Variants in CSMD3 observed in about 807,000 individuals in gnomAD.
CSMD3 encodes the protein CUB and sushi domain-containing protein 3.
A neutral mutation model predicts 435.2 loss-of-function variants in CSMD3; 177 were observed. That is an observed-to-expected ratio of 0.41 (90% CI 0.36 to 0.46). The LOEUF (loss-of-function observed/expected upper bound fraction) is 0.46. Among genes scored for constraint, CSMD3 ranks in the 20% least tolerant of loss-of-function variants. The pLI is 0.34. For missense variants in CSMD3, 4,265 were observed against 4,504.6 expected, an observed-to-expected ratio of 0.95 and a Z score of 1.52; for synonymous variants, 1,656 against 1,520.5, an observed-to-expected ratio of 1.09 and a Z score of -2.07.
At position 112,305,337 on chromosome 8, in the gene CSMD3, T is replaced by C. The variant is rs182277633; in HGVS notation, c.8072-422A>G. Among the ~76,000 whole-genome samples the C allele has an allele frequency of 3.3e-3, 497 of 152,246 alleles. 3 individuals carry two copies. Among genetic ancestry groups the C allele is most frequent in the African/African-American group, 0.011 (469 of 41,570 alleles). ...TAGAAGCCTTATTAGAAACCTATGC[T>C]GAGAGTGCGAACAACTTAACAATCT... On this transcript the variant is annotated intron_variant, in intron 51 of 70. Transcript: ENST00000297405.
chr8:112,474,230 T>C (rs1031430430), intron 31 of CSMD3, among the ~76,000 whole-genome samples: 2 of 152,084 alleles, frequency 1.3e-5, no homozygotes, highest in African/African-American at 4.8e-5. Context: ...CAAAGATATA[T>C]GTGGCCAGCA....
intron 3 of CSMD3, among the ~76,000 whole-genome samples, chr8:113,235,491 C>T (rs1211654817): frequency 2.0e-5 from 3 of 151,834 alleles, no homozygotes; most frequent in African/African-American, 7.3e-5. Context: ...CCACTTTGAC[C>T]TGTATGGGCC....
Position 112,888,030 on chromosome 8 carries a change from A to G in CSMD3, c.1634-28764T>C, listed in dbSNP as rs1470489536. On this transcript the variant is annotated intron_variant, in intron 10 of 70. Coordinates refer to ENST00000297405, the MANE Select transcript of CSMD3 (RefSeq NM_198123.2). ...ACATATATAACCATAGAACAGAAACAACAACAAAAATAACAAATATAAATC... is the reference window on the plus strand; with the variant it reads ...ACATATATAACCATAGAACAGAAACGACAACAAAAATAACAAATATAAATC... Among the ~76,000 whole-genome samples, 6 of 151,734 alleles carry G rather than the reference A, an allele frequency of 4.0e-5. No homozygotes were observed. The East Asian group carries it at 1.2e-3, about 30-fold the overall frequency.
intron 5 of CSMD3, among the ~76,000 whole-genome samples, chr8:113,081,542 G>A (rs2089563267): frequency 6.6e-6 from 1 of 152,116 alleles, no homozygotes. Context: ...AGTATAGGGA[G>A]TTACCTGGAG....
At chr8:113,375,707 T>A (rs1588625232) in intron 1 of CSMD3, among the ~76,000 whole-genome samples, 1 of 152,128 alleles carries the variant, frequency 6.6e-6, no homozygotes, top group South Asian at 2.1e-4. Flanking sequence ...ATTAGCGGGA[T>A]TTGATTTTTT....
chr8:113,337,466 T>C (rs566731037), intron 1 of CSMD3, among the ~76,000 whole-genome samples: 2 of 152,234 alleles, frequency 1.3e-5, no homozygotes, highest in African/African-American at 2.4e-5. Flanking sequence ...ACTAGCATCA[T>C]AGCATACAGA....
intron 2 of CSMD3, among the ~76,000 whole-genome samples, chr8:113,308,051 G>C (rs1440811296): frequency 1.3e-5 from 2 of 151,908 alleles, no homozygotes; most frequent in African/African-American, 2.4e-5. Flanking sequence ...AACTTTATGT[G>C]TTTTTGCAAT....
At chr8:112,936,237 T>A (rs1036315385) in intron 9 of CSMD3, among the ~76,000 whole-genome samples, 4 of 152,040 alleles carry the variant, frequency 2.6e-5, no homozygotes, top group South Asian at 2.1e-4. Flanking sequence ...AATATTCTCA[T>A]TACTTGGACA....
intron 9 of CSMD3, among the ~76,000 whole-genome samples, chr8:112,932,335 C>T (rs1027551378): frequency 6.6e-6 from 1 of 152,130 alleles, no homozygotes; most frequent in Non-Finnish European, 1.5e-5. Flanking sequence ...ATAAACCAGG[C>T]GCAGAAAGAC....
At chr8:112,965,408 T>C (rs949166384) in intron 7 of CSMD3, among the ~76,000 whole-genome samples, 3 of 151,644 alleles carry the variant, frequency 2.0e-5, no homozygotes, top group African/African-American at 7.3e-5. Context: ...TGTGTTAATA[T>C]AAAAATAAGC....
At chr8:113,404,041 A>C (rs1158170739) in intron 1 of CSMD3, among the ~76,000 whole-genome samples, 2 of 151,406 alleles carry the variant, frequency 1.3e-5, no homozygotes, top group Non-Finnish European at 3.0e-5. Context: ...ACTTTTTATT[A>C]ATTTCCTAAT....
chr8:112,416,814 A>C (rs1461949345), intron 32 of CSMD3, among the ~76,000 whole-genome samples: 1 of 152,196 alleles, frequency 6.6e-6, no homozygotes, highest in Non-Finnish European at 1.5e-5. Context: ...CAGAAAAAAA[A>C]AACTGAGACT....
intron 1 of CSMD3, among the ~76,000 whole-genome samples, chr8:113,315,979 G>A (rs1366630978): frequency 6.6e-6 from 1 of 152,042 alleles, no homozygotes; most frequent in Non-Finnish European, 1.5e-5. Flanking sequence ...TCAGTTTCCC[G>A]AAGTGCTGAG....
intron 1 of CSMD3, among the ~76,000 whole-genome samples, chr8:113,417,447 A>G (rs1262877387): frequency 6.6e-6 from 1 of 151,950 alleles, no homozygotes; most frequent in East Asian, 1.9e-4. Flanking sequence ...TGTTTTTGTG[A>G]AAGATAATTT....
intron 38 of CSMD3, among the ~76,000 whole-genome samples, chr8:112,364,169 A>G (rs887586953): frequency 4.6e-5 from 7 of 152,148 alleles, no homozygotes; most frequent in African/African-American, 1.2e-4. Context: ...GCTATTTATA[A>G]GATAGAGTCA....
intron 13 of CSMD3, among the ~76,000 whole-genome samples, chr8:112,777,213 T>C (rs2078268487): frequency 6.6e-6 from 1 of 151,838 alleles, no homozygotes; most frequent in Admixed American, 6.6e-5. Context: ...GGTTCTTTCA[T>C]TTAAGTAAAA....
chr8:113,340,727 G>T (rs1474073765), intron 1 of CSMD3, among the ~76,000 whole-genome samples: 1 of 151,952 alleles, frequency 6.6e-6, no homozygotes, highest in Non-Finnish European at 1.5e-5. Flanking sequence ...CAAAAAATTA[G>T]CCAGGTGCAG....
chr8:112,666,735 G>T (rs954204153), intron 16 of CSMD3, among the ~76,000 whole-genome samples: 1 of 152,050 alleles, frequency 6.6e-6, no homozygotes, highest in Non-Finnish European at 1.5e-5. Context: ...AAGCTTGAAA[G>T]AAAACCTAAG....
chr8:112,390,633 A>G (rs1830329821), intron 36 of CSMD3, 31 bp downstream of exon 36: 2 of 1,579,230 alleles, frequency 1.3e-6, no homozygotes, highest in Non-Finnish European at 1.7e-6. Flanking sequence ...CACACATACA[A>G]TGAAAAGAAG....
Sources: allele counts gnomAD v4.1 joint callset (sites outside exome capture counted in the v4.1 genomes callset), GRCh38; gene constraint gnomAD v4.1.1; transcripts MANE v1.5; gene names NCBI Gene and HGNC (gene_info 2026-07-23, HGNC 2026-07-21).